MED12: variants seen among roughly 807,000 people sequenced by gnomAD.
MED12 encodes the protein mediator complex subunit 12.
A neutral mutation model predicts 177.7 loss-of-function variants in MED12; 10 were observed. The ratio of observed to expected loss-of-function variants is 0.06; its 90% CI spans 0.03 to 0.10. The LOEUF is 0.10. Among genes scored for constraint, MED12 ranks in the 10% least tolerant of loss-of-function variants. The pLI is 1.00. For missense variants in MED12, 867 were observed against 1,780.8 expected, an observed-to-expected ratio of 0.49 and a Z score of 9.23; for synonymous variants, 641 against 678.4, an observed-to-expected ratio of 0.94 and a Z score of 0.86.
rs2147828073 is a variant in MED12, at chrX:71,136,944, C to T, written c.5466C>T (p.His1822=). ...TGACAGTGCCTCCGGACCTCCTGCA[C>T]CACCCAAACCCTGGTTCTATAACAC... ...YGVTVPPDLL[H]HPNPGSITHL... Residue 1822 remains histidine, a synonymous_variant, in exon 38 of 45, where the codon CAC becomes CAT. Transcript: ENST00000374080. 8.3e-7 allele frequency: 1 copy of T among 1,210,091 alleles called. No individual in the cohort carries two copies. The highest frequency in any genetic ancestry group is 1.1e-6 in the Non-Finnish European group (1 of 895,184).
At chrX:71,141,166 C>T (rs932993884) in intron 42 of MED12, 64 bp from the exon 43 acceptor site, 5 of 1,164,774 alleles carry the variant, frequency 4.3e-6, no homozygotes, top group Non-Finnish European at 5.7e-6. Context: ...GCCCTCAGCC[C>T]TTTAGTTCTG....
chrX:71,121,143 C>A lies in MED12; in HGVS notation c.726C>A (p.Phe242Leu), dbSNP rs2092288371. 6.6e-6 allele frequency: 8 copies of A among 1,210,792 alleles called. No homozygotes were observed. The highest frequency in any genetic ancestry group is 8.9e-6 in the Non-Finnish European group (8 of 895,314). ...ATTACACCGAGAAGCTGGCCATGTT[C>A]ATGTTTCAGGTAGAGAGTAGGGCAT... is the stretch of plus-strand genomic sequence containing the variant. ...QWDYTEKLAMFMFQDGMLDRH... is the reference protein window; with the variant it reads ...QWDYTEKLAMLMFQDGMLDRH... Residue 242 changes from phenylalanine to leucine, a missense_variant, in exon 5 of 45, where the codon TTC (phenylalanine) becomes TTA (leucine). By Grantham distance (22) the Phe-to-Leu change is conservative. Transcript: ENST00000374080.
chrX:71,132,800 C>T (rs1602302034), intron 31 of MED12, 45 bp from the exon 32 acceptor site: 1 of 515,445 alleles, frequency 1.9e-6, no homozygotes, highest in South Asian at 2.6e-5. Flanking sequence ...CTTCTCTTCT[C>T]TTCTCTTCTC....
At chrX:71,138,322 CA>C (rs1270653957) in intron 41 of MED12, among the ~76,000 whole-genome samples, 2 of 109,761 alleles carry the variant, frequency 1.8e-5, no homozygotes, top group Non-Finnish European at 3.8e-5. Context: ...CCCATCTCTA[CA>C]AAAAAAATAC....
chrX:71,139,884 G>A (rs2092342227), intron 41 of MED12, among the ~76,000 whole-genome samples: 1 of 108,620 alleles, frequency 9.2e-6, no homozygotes, highest in Non-Finnish European at 1.9e-5. Flanking sequence ...GGGCAACAGA[G>A]TGAGACTCTG....
At position 71,118,739 on chromosome X, in the gene MED12, C is replaced by A; in HGVS notation, c.-16C>A. On this transcript the variant is annotated 5_prime_UTR_variant, in exon 1 of 45. Transcript: ENST00000374080. ...CCTGGCCCTGCTGGTGCCTCCGGCG[C>A]TACGGGCTGGGCAAGATGGCGGCCT... 8.3e-7 allele frequency: 1 copy of A among 1,203,407 alleles called. No individual in the cohort carries two copies. The highest frequency in any genetic ancestry group is 1.1e-6 in the Non-Finnish European group (1 of 891,017).
At chrX:71,136,104 A>C (rs1324733586) in intron 36 of MED12, among the ~76,000 whole-genome samples, 177 bp from the exon 37 acceptor site, 8 of 97,091 alleles carry the variant, frequency 8.2e-5, no homozygotes, top group African/African-American at 1.6e-4. Flanking sequence ...CCCACCCTTC[A>C]CTCTCTCCCC....
chrX:71,130,258 A>G lies in MED12; in HGVS notation c.4047+44A>G, dbSNP rs767726646. On this transcript the variant is annotated intron_variant, in intron 28 of 44. Transcript: ENST00000374080. Reference sequence around the variant, plus strand: ...GGCTGTGGAGGAAGCAGTGGGCCCAATCTGGGGAGAAACAATAGGAACCTT... The same window carrying G: ...GGCTGTGGAGGAAGCAGTGGGCCCAGTCTGGGGAGAAACAATAGGAACCTT... 1.4e-5 allele frequency: 16 copies of G among 1,135,503 alleles called. No individual in the cohort carries two copies. In the Admixed American group the frequency reaches 2.2e-4, roughly 15 times the overall value. The allele number at this position is 1,135,503 out of a possible 1,213,427, so 93.6% of individuals were successfully genotyped here.
At chrX:71,140,928 AG>A in intron 42 of MED12, 71 bp downstream of exon 42, 1 of 1,193,016 alleles carries the variant, frequency 8.4e-7, no homozygotes, top group Non-Finnish European at 1.1e-6. Context: ...CTTCCCACAC[AG>A]TTACCGAGAC....
rs756091104 is a variant in MED12 at position 71,125,395 on chromosome X, G to A, written c.2271G>A (p.Leu757=). 10 of 1,211,141 alleles carry A rather than the reference G, an allele frequency of 8.3e-6. No homozygotes were observed. In the South Asian group the frequency reaches 1.4e-4, roughly 17 times the overall value. Residue 757 remains leucine (L), a synonymous_variant, in exon 16 of 45, where the codon CTG becomes CTA. Coordinates refer to ENST00000374080, the MANE Select transcript of MED12 (RefSeq NM_005120.3). ...SHECNQRLVV[L]FGVGKQRDDA... ...AGTGCAACCAGCGGTTGGTCGTACT[G>A]TTTGGGGTGGGAAAGCAGCGAGATG...
At chrX:71,124,916 T>G in intron 14 of MED12, 60 bp from the exon 15 acceptor site, 1 of 1,193,344 alleles carries the variant, frequency 8.4e-7, no homozygotes, top group Non-Finnish European at 1.1e-6. Flanking sequence ...TTGGCATGTT[T>G]TTTTGCCCCC....
chrX:71,138,150 A>C (rs2092337301), intron 41 of MED12, among the ~76,000 whole-genome samples: 1 of 111,033 alleles, frequency 9.0e-6, no homozygotes, highest in Non-Finnish European at 1.9e-5. Context: ...CTTCCTTAAC[A>C]GTTCTTTGAG....
At position 71,124,365 on chromosome X, in the gene MED12, G is replaced by GGCA. The variant is rs752904587; in HGVS notation, c.1964_1966dup (p.Ser655dup). On this transcript the variant is annotated inframe_insertion, in exon 13 of 45. Transcript: ENST00000374080. ...TGACCCAGAGCACAAGGAGGCTGAA[G>GGCA]GCAGCAGCAGCAGCAAGCTGGAAGT... 7 of 1,205,490 alleles carry GGCA rather than the reference G, an allele frequency of 5.8e-6. No individual in the cohort carries two copies. In the South Asian group the frequency reaches 8.9e-5, roughly 15 times the overall value.
chrX:71,134,626 A>G, intron 34 of MED12, 87 bp from the exon 35 acceptor site: 1 of 1,138,891 alleles, frequency 8.8e-7, no homozygotes. Flanking sequence ...CATATTAAGC[A>G]CCTCTCCCTG....
intron 2 of MED12, 89 bp downstream of exon 2, chrX:71,119,566 C>T: frequency 9.3e-7 from 1 of 1,080,031 alleles, no homozygotes; most frequent in Non-Finnish European, 1.3e-6. Context: ...ATAGGGACAA[C>T]CTAAGTGGCT....
rs370681392 is a variant in MED12 at position 71,125,660 on chromosome X, C to T, written c.2372-3C>T. ...CTTCCCCCCTCATTCCCCCCCTCTA[C>T]AGACCAGCTTGCTCCTATTGTGCCT... On this transcript the variant is annotated splice_polypyrimidine_tract_variant and splice_region_variant and intron_variant, in intron 16 of 44. Coordinates refer to ENST00000374080, the MANE Select transcript of MED12 (RefSeq NM_005120.3). 1.1e-6 allele frequency: 1 copy of T among 919,627 alleles called. No homozygotes were observed. The highest frequency in any genetic ancestry group is 2.2e-5 in the African/African-American group (1 of 46,362). 75.8% of individuals were successfully genotyped at this position (919,627 alleles called of 1,213,427 possible).
chrX:71,127,809 T>A, intron 21 of MED12, 84 bp from the exon 22 acceptor site: 1 of 709,916 alleles, frequency 1.4e-6, no homozygotes, highest in Non-Finnish European at 2.2e-6. Flanking sequence ...TTCTCCTTTT[T>A]TTCTTTTCTC....
chrX:71,137,072 C>T (rs895529221), intron 38 of MED12, 43 bp downstream of exon 38: 3 of 1,185,473 alleles, frequency 2.5e-6, no homozygotes, highest in East Asian at 3.0e-5. Flanking sequence ...CCTACCTGTA[C>T]ACTCCCCCTG....
chrX:71,120,055 A>G lies in MED12; in HGVS notation c.438A>G (p.Leu146=), dbSNP rs35068602. Residue 146 remains leucine, a synonymous_variant, in exon 4 of 45, where the codon TTA becomes TTG. Transcript: ENST00000374080. ...FSKKEEVFGY[L]AKYTVPVMRA... is the part of the protein sequence containing the mutation. ...AGAAGGAAGAGGTGTTTGGGTACTT[A>G]GCCAAATACACAGTGCCTGTGATGC... is the stretch of plus-strand genomic sequence containing the variant. 196 of 1,210,027 alleles carry G rather than the reference A, an allele frequency of 1.6e-4. 1 individual carries two copies. In the African/African-American group the frequency reaches 3.2e-3, roughly 20 times the overall value.
Sources: gnomAD v4.1 joint callset for allele counts (sites outside exome capture counted in the v4.1 genomes callset) on GRCh38, gnomAD v4.1.1 for gene constraint, MANE v1.5 for transcripts, NCBI Gene and HGNC (gene_info 2026-07-23, HGNC 2026-07-21) for gene names.